Variants in PGPEP1 observed in about 807,000 individuals in gnomAD.
The protein encoded by PGPEP1 is pyroglutamyl-peptidase I.
A neutral mutation model predicts 24.1 loss-of-function variants in PGPEP1; 15 were observed. The ratio of observed to expected loss-of-function variants is 0.62; its 90% CI spans 0.42 to 0.96. PGPEP1 has a LOEUF of 0.96. PGPEP1 is among the 40% of genes least tolerant of loss of function. The pLI is 0.00. For missense variants in PGPEP1, 242 were observed against 273.4 expected (o/e 0.89, Z 0.81); for synonymous variants, 122 against 116.4 (o/e 1.05, Z -0.31).
At chr19:18,358,316 A>G (rs572909422) in intron 4 of PGPEP1, among the ~76,000 whole-genome samples, 1 of 138,068 alleles carries the variant, frequency 7.2e-6, no homozygotes, top group Non-Finnish European at 1.5e-5. Context: ...CCTGGAGTGC[A>G]ATGGCGTGAT....
intron 2 of PGPEP1, chr19:18,349,008 C>T (rs1443787285): frequency 4.7e-5 from 28 of 602,136 alleles, no homozygotes; most frequent in Non-Finnish European, 5.4e-5. Flanking sequence ...AATGATCCTT[C>T]CACCTCGGCC....
intron 3 of PGPEP1, among the ~76,000 whole-genome samples, chr19:18,356,495 C>T (rs1971189947): frequency 6.6e-6 from 1 of 151,748 alleles, no homozygotes; most frequent in Non-Finnish European, 1.5e-5. Flanking sequence ...GCCTGTAATC[C>T]CAGCACTTTG....
In PGPEP1 at chr19:18,357,469, C is replaced by A. The variant is rs1406119101; in HGVS notation, c.291C>A (p.Asp97Glu). 6.2e-7 allele frequency: 1 copy of A among 1,613,922 alleles called. No individual in the cohort carries two copies. The highest frequency in any genetic ancestry group is 8.5e-7 in the Non-Finnish European group (1 of 1,179,912). ...CGHNKGYKGL[D>E]NCRFCPGSQC... ...ACAACAAGGGCTACAAGGGGCTGGA[C>A]AACTGCCGCTTTTGCCCCGGCTCCC... Residue 97 changes from aspartate to glutamate, a missense_variant, in exon 4 of 5, where the codon GAC becomes GAA. Coordinates refer to ENST00000269919, the MANE Select transcript of PGPEP1 (RefSeq NM_017712.4).
chr19:18,356,158 C>T, intron 3 of PGPEP1, 147 bp downstream of exon 3: 1 of 614,520 alleles, frequency 1.6e-6, no homozygotes, highest in Non-Finnish European at 3.0e-6. Context: ...TCAGGCCGGG[C>T]ATGGTGGCTC....
intron 2 of PGPEP1, among the ~76,000 whole-genome samples, 198 bp from the exon 3 acceptor site, chr19:18,355,697 C>T (rs547720135): frequency 6.6e-6 from 1 of 152,260 alleles, no homozygotes; most frequent in South Asian, 2.1e-4. Context: ...AATCATGTCA[C>T]CTTCCATAGA....
At chr19:18,341,364 A>C (rs1970667470) in intron 1 of PGPEP1, among the ~76,000 whole-genome samples, 1 of 151,550 alleles carries the variant, frequency 6.6e-6, no homozygotes, top group African/African-American at 2.4e-5. Context: ...ACTCCCCCCC[A>C]CCCCCAAACC....
At chr19:18,342,259 T>A (rs994700907) in intron 1 of PGPEP1, among the ~76,000 whole-genome samples, 1 of 152,144 alleles carries the variant, frequency 6.6e-6, no homozygotes, top group Non-Finnish European at 1.5e-5. Context: ...TGTGTGACCT[T>A]GGGCAGCTAG....
At chr19:18,356,185 C>G (rs1971180909) in intron 3 of PGPEP1, among the ~76,000 whole-genome samples, 174 bp downstream of exon 3, 1 of 152,174 alleles carries the variant, frequency 6.6e-6, no homozygotes, top group Non-Finnish European at 1.5e-5. Flanking sequence ...GTAATCCCAG[C>G]ACGTTGGGAG....
chr19:18,357,032 C>T (rs1435296996), intron 3 of PGPEP1, among the ~76,000 whole-genome samples: 8 of 152,210 alleles, frequency 5.3e-5, no homozygotes, highest in African/African-American at 1.9e-4. Context: ...AGCAAGACTC[C>T]ATCTCAACAA....
At chr19:18,349,456 CT>C (rs1230715614) in intron 2 of PGPEP1, among the ~76,000 whole-genome samples, 2 of 152,138 alleles carry the variant, frequency 1.3e-5, no homozygotes, top group South Asian at 2.1e-4. Flanking sequence ...CCACCCACCC[CT>C]GACCCTATTT....
At chr19:18,351,874 C>T (rs964939689) in intron 2 of PGPEP1, among the ~76,000 whole-genome samples, 2 of 151,894 alleles carry the variant, frequency 1.3e-5, no homozygotes, top group Admixed American at 6.6e-5. Flanking sequence ...CCTGTAATCC[C>T]GGCACTTTGA....
rs147967130 is a variant in PGPEP1, at chr19:18,369,728, G to T, written c.*6145G>T. The T allele has an allele frequency of 6.6e-4, 100 of 152,204 alleles. No individual in the cohort carries two copies. Among genetic ancestry groups the T allele is most frequent in the African/African-American group, 2.3e-3 (97 of 41,536 alleles). The allele number at this position is 152,204 out of a possible 1,614,324, so 9.4% of individuals were successfully genotyped here. On this transcript the variant is annotated 3_prime_UTR_variant, in exon 5 of 5. Coordinates refer to ENST00000269919, the MANE Select transcript of PGPEP1 (RefSeq NM_017712.4). Reference sequence around the variant, plus strand: ...TAGGAAAAAACCCTTCCCTGCCAAAGGTGACTGTGTTTTCTGCCGCCGAAG... The same window carrying T: ...TAGGAAAAAACCCTTCCCTGCCAAATGTGACTGTGTTTTCTGCCGCCGAAG...
At chr19:18,355,400 A>G (rs1476242472) in intron 2 of PGPEP1, among the ~76,000 whole-genome samples, 2 of 152,002 alleles carry the variant, frequency 1.3e-5, no homozygotes, top group Non-Finnish European at 2.9e-5. Context: ...AGCTGAGATT[A>G]CAGGTGTGTG....
intron 2 of PGPEP1, among the ~76,000 whole-genome samples, chr19:18,351,987 G>A (rs1971039346): frequency 1.3e-5 from 2 of 151,820 alleles, no homozygotes; most frequent in Admixed American, 6.6e-5. Context: ...TTAGTTGGGT[G>A]TTGGCCGGGC....
At position 18,351,002 on chromosome 19, in the gene PGPEP1, A is replaced by G. The variant is rs561528577; in HGVS notation, c.88-4893A>G. 6.4e-4 allele frequency among the ~76,000 whole-genome samples: 98 copies of G among 152,344 alleles called. 3 individuals carry two copies. The highest frequency in any genetic ancestry group is 5.9e-4 in the Non-Finnish European group (40 of 68,034). Reference sequence around the variant, plus strand: ...AAAAACTTTACTTTTGGCCGGGCACAGTGGCTCACGTCTGTAATCCCAGCA... The same window carrying G: ...AAAAACTTTACTTTTGGCCGGGCACGGTGGCTCACGTCTGTAATCCCAGCA... On this transcript the variant is annotated intron_variant, in intron 2 of 4. Transcript: ENST00000269919.
Position 18,364,245 on chromosome 19 carries a change from G to A in PGPEP1, c.*662G>A, listed in dbSNP as rs1971460581. The A allele has an allele frequency of 6.7e-6, 1 of 149,598 alleles. No homozygotes were observed. Among genetic ancestry groups the A allele is most frequent in the Non-Finnish European group, 1.5e-5 (1 of 67,668 alleles). The allele number at this position is 149,598 out of a possible 1,614,324, so 9.3% of individuals were successfully genotyped here. On this transcript the variant is annotated 3_prime_UTR_variant, in exon 5 of 5. Transcript: ENST00000269919. ...GCAGGCTTTTTAGCCAACAACAAAA[G>A]TGTTTTCCCCCCACCCCCACTCGCC...
At chr19:18,342,988 C>A (rs1352515363) in intron 2 of PGPEP1, 77 bp downstream of exon 2, 13 of 1,114,254 alleles carry the variant, frequency 1.2e-5, no homozygotes, top group Non-Finnish European at 1.6e-5. Context: ...CAAGAAGGTC[C>A]CCTTTTAACA....
chr19:18,342,095 A>T (rs1970687502), intron 1 of PGPEP1, among the ~76,000 whole-genome samples: 1 of 152,052 alleles, frequency 6.6e-6, no homozygotes, highest in East Asian at 1.9e-4. Context: ...TTTTAGTAGA[A>T]ACGGGGTTTC....
At chr19:18,345,293 C>T (rs1028847680) in intron 2 of PGPEP1, among the ~76,000 whole-genome samples, 17 of 152,078 alleles carry the variant, frequency 1.1e-4, no homozygotes, top group African/African-American at 3.4e-4. Flanking sequence ...TGAGTCACTG[C>T]GCCCAGCCCC....
Sources: allele counts gnomAD v4.1 joint callset (sites outside exome capture counted in the v4.1 genomes callset), GRCh38; gene constraint gnomAD v4.1.1; transcripts MANE v1.5; gene names NCBI Gene and HGNC (gene_info 2026-07-23, HGNC 2026-07-21).